Variants in RBM47 observed in about 807,000 individuals in gnomAD.
RBM47 encodes RNA-binding protein 47.
In RBM47, 21 loss-of-function variants were observed where a neutral mutation model predicts 47.1. The ratio of observed to expected loss-of-function variants is 0.45; its 90% CI spans 0.32 to 0.64. The LOEUF (loss-of-function observed/expected upper bound fraction) is 0.64. Ranked by LOEUF, RBM47 falls within the 30% of genes least tolerant of loss-of-function variation. The pLI, the probability that RBM47 is intolerant of heterozygous loss-of-function variation, is 0.05. For synonymous variants in RBM47, 375 were observed against 361.7 expected (o/e 1.04, Z -0.42); for missense variants, 708 against 870.9 (o/e 0.81, Z 2.35).
At chr4:40,506,204 G>T (rs1724082722) in intron 2 of RBM47, among the ~76,000 whole-genome samples, 1 of 152,134 alleles carries the variant, frequency 6.6e-6, no homozygotes, top group African/African-American at 2.4e-5. Context: ...CCAAGTCCAG[G>T]TTTGCATTTG....
At chr4:40,580,490 G>A (rs1339122537) in intron 1 of RBM47, among the ~76,000 whole-genome samples, 1 of 152,064 alleles carries the variant, frequency 6.6e-6, no homozygotes, top group Admixed American at 6.6e-5. Flanking sequence ...CAGATAATTA[G>A]GAGGGATGCT....
At chr4:40,587,823 T>C (rs951816487) in intron 1 of RBM47, among the ~76,000 whole-genome samples, 1 of 152,234 alleles carries the variant, frequency 6.6e-6, no homozygotes, top group African/African-American at 2.4e-5. Context: ...TGCTGGTTAC[T>C]GGTATTTTGA....
rs1224728031 is a variant in RBM47, at chr4:40,455,183, A to C, written c.-32+11394T>G. Among the ~76,000 whole-genome samples, 2 of 152,206 alleles carry C rather than the reference A, an allele frequency of 1.3e-5. 1 individual carries two copies. The highest frequency in any genetic ancestry group is 1.3e-4 in the Admixed American group (2 of 15,280). Reference sequence around the variant, plus strand: ...TCTTTGTAAAGGAGTTAACATATTCAAACTATGTTTTTAGACTTAAAAACC... The same window carrying C: ...TCTTTGTAAAGGAGTTAACATATTCCAACTATGTTTTTAGACTTAAAAACC... On this transcript the variant is annotated intron_variant, in intron 3 of 6. Transcript: ENST00000295971.
chr4:40,587,949 C>T (rs773181431), intron 1 of RBM47, among the ~76,000 whole-genome samples: 3 of 152,168 alleles, frequency 2.0e-5, no homozygotes, highest in African/African-American at 4.8e-5. Flanking sequence ...AGGCTGCCCT[C>T]GGCTAGACAA....
At chr4:40,435,756 T>C (rs1008522664) in intron 5 of RBM47, among the ~76,000 whole-genome samples, 1 of 152,088 alleles carries the variant, frequency 6.6e-6, no homozygotes, top group African/African-American at 2.4e-5. Flanking sequence ...AGGTTTTACC[T>C]GATAGAAGAT....
intron 4 of RBM47, 135 bp downstream of exon 4, chr4:40,437,636 G>A (rs988146575): frequency 1.3e-5 from 11 of 862,888 alleles, no homozygotes; most frequent in Non-Finnish European, 1.4e-5. Flanking sequence ...GACCCAGAAT[G>A]CAAACCCAAA....
At chr4:40,630,709 A>C (rs1244574743), upstream of RBM47, 2 of 151,800 alleles carry the variant, frequency 1.3e-5, no homozygotes, top group Non-Finnish European at 2.9e-5. Flanking sequence ...GTTGGCTCGA[A>C]CCCCCACCCC....
chr4:40,576,320 T>A (rs1156238307), intron 1 of RBM47, among the ~76,000 whole-genome samples: 2 of 151,658 alleles, frequency 1.3e-5, no homozygotes, highest in East Asian at 3.9e-4. Flanking sequence ...TGATCAATTT[T>A]TTAAAAAAAT....
At chr4:40,624,354 C>A (rs1737538146) in intron 1 of RBM47, among the ~76,000 whole-genome samples, 1 of 152,148 alleles carries the variant, frequency 6.6e-6, no homozygotes. Flanking sequence ...CATCCTTTCC[C>A]TAAAATCTGC....
At chr4:40,554,405 CAA>C (rs59793972) in intron 1 of RBM47, among the ~76,000 whole-genome samples, 15 of 91,004 alleles carry the variant, frequency 1.6e-4, no homozygotes, top group Admixed American at 2.6e-4. Context: ...AAGCAAACCT[CAA>C]AAAAAAAAAA....
chr4:40,541,133 TA>T (rs527270170), intron 2 of RBM47, among the ~76,000 whole-genome samples: 2,343 of 149,846 alleles, frequency 0.016, 61 homozygotes, highest in African/African-American at 0.054. Flanking sequence ...TATAAAAAAT[TA>T]AAAATTAGCT....
At chr4:40,597,372 G>T (rs577674254) in intron 1 of RBM47, among the ~76,000 whole-genome samples, 22 of 152,274 alleles carry the variant, frequency 1.4e-4, no homozygotes, top group African/African-American at 5.1e-4. Context: ...GAGGGGAGCG[G>T]ATCACTTGAG....
At chr4:40,606,900 T>C (rs1165367258) in intron 1 of RBM47, among the ~76,000 whole-genome samples, 2 of 152,094 alleles carry the variant, frequency 1.3e-5, no homozygotes, top group Non-Finnish European at 2.9e-5. Context: ...GGAGGATCAC[T>C]TGAGACCAGG....
At chr4:40,576,847 G>C (rs180704981) in intron 1 of RBM47, among the ~76,000 whole-genome samples, 102 of 151,656 alleles carry the variant, frequency 6.7e-4, no homozygotes, top group African/African-American at 2.4e-3. Context: ...AATATTCACA[G>C]AAATCCTGAT....
chr4:40,495,714 T>A (rs1722475256), intron 2 of RBM47, among the ~76,000 whole-genome samples: 1 of 152,202 alleles, frequency 6.6e-6, no homozygotes, highest in South Asian at 2.1e-4. Flanking sequence ...TAATCTAACA[T>A]TTCTTTGAAG....
intron 6 of RBM47, among the ~76,000 whole-genome samples, chr4:40,431,907 A>C (rs1716147209): frequency 6.6e-6 from 1 of 151,678 alleles, no homozygotes; most frequent in South Asian, 2.1e-4. Context: ...GGAGTGCAGT[A>C]GTGCAATCAC....
At chr4:40,497,981 ACT>A (rs1193498443) in intron 2 of RBM47, among the ~76,000 whole-genome samples, 3 of 148,546 alleles carry the variant, frequency 2.0e-5, no homozygotes, top group Non-Finnish European at 4.5e-5. Flanking sequence ...ACAGAGCAAG[ACT>A]CTATCTCAAA....
At chr4:40,557,971 T>C (rs556321413) in intron 1 of RBM47, among the ~76,000 whole-genome samples, 2 of 152,336 alleles carry the variant, frequency 1.3e-5, no homozygotes, top group South Asian at 4.1e-4. Context: ...TTTTTTAATG[T>C]GTACTCTGGT....
intron 2 of RBM47, among the ~76,000 whole-genome samples, chr4:40,528,087 C>T (rs1726927992): frequency 6.6e-6 from 1 of 152,140 alleles, no homozygotes; most frequent in Admixed American, 6.6e-5. Context: ...ACTAAGGTTA[C>T]AAAATAAATG....
Sources: allele counts gnomAD v4.1 joint callset (sites outside exome capture counted in the v4.1 genomes callset), GRCh38; gene constraint gnomAD v4.1.1; transcripts MANE v1.5; gene names NCBI Gene and HGNC (gene_info 2026-07-23, HGNC 2026-07-21).